The following NUDT3 variants were observed in gnomAD, a reference collection of about 807,000 sequenced individuals.
The protein encoded by NUDT3 is diphosphoinositol polyphosphate phosphohydrolase 1.
Under a neutral mutation model 23.6 loss-of-function variants are expected in NUDT3, and 9 were observed. The ratio of observed to expected loss-of-function variants is 0.38; its 90% CI spans 0.23 to 0.66. NUDT3 has a LOEUF of 0.66. Ranked by LOEUF, NUDT3 falls within the 30% of genes least tolerant of loss-of-function variation. The probability of loss-of-function intolerance (pLI) is 0.52; values close to 1 mark genes in which losing one functional copy is unlikely to be tolerated. For synonymous variants in NUDT3, 86 were observed against 82.6 expected (o/e 1.04, Z -0.22); for missense variants, 172 against 218.5 (o/e 0.79, Z 1.34).
At chr6:34,300,044 G>A (rs150190086) in intron 2 of NUDT3, among the ~76,000 whole-genome samples, 54 of 151,996 alleles carry the variant, frequency 3.6e-4, no homozygotes, top group Middle Eastern at 3.4e-3. Context: ...CCACCTGCCC[G>A]GCCCTGCTTT....
intron 1 of NUDT3, among the ~76,000 whole-genome samples, chr6:34,365,711 G>A (rs1764716844): frequency 6.6e-6 from 1 of 152,060 alleles, no homozygotes; most frequent in Non-Finnish European, 1.5e-5. Context: ...CCAGGAGTTC[G>A]AGACGAGTCT....
chr6:34,356,047 AG>A (rs2113747762), intron 1 of NUDT3, among the ~76,000 whole-genome samples: 1 of 152,304 alleles, frequency 6.6e-6, no homozygotes, highest in Admixed American at 6.5e-5. Flanking sequence ...GGAGCCACGA[AG>A]GGACTGTGTA....
intron 2 of NUDT3, among the ~76,000 whole-genome samples, chr6:34,324,714 A>G (rs771701140): frequency 7.2e-5 from 11 of 152,260 alleles, no homozygotes; most frequent in Non-Finnish European, 1.3e-4. Context: ...AATAGTATCT[A>G]CCATGAATTT....
chr6:34,359,328 G>C (rs921720846), intron 1 of NUDT3, among the ~76,000 whole-genome samples: 1 of 152,150 alleles, frequency 6.6e-6, no homozygotes, highest in East Asian at 1.9e-4. Context: ...AGCCGAGATC[G>C]TGCTACTGCA....
intron 1 of NUDT3, among the ~76,000 whole-genome samples, chr6:34,356,969 G>C (rs1176433341): frequency 2.0e-5 from 3 of 151,976 alleles, no homozygotes; most frequent in Non-Finnish European, 4.4e-5. Context: ...AGTAGAAACA[G>C]GGTTTCACCG....
intron 1 of NUDT3, among the ~76,000 whole-genome samples, chr6:34,384,467 T>C (rs1561925725): frequency 6.6e-6 from 1 of 152,144 alleles, no homozygotes; most frequent in Non-Finnish European, 1.5e-5. Context: ...TGTGATGTCA[T>C]TTGTTGTATG....
In NUDT3 at chr6:34,285,780, G is replaced by C. The variant is rs1400013384; in HGVS notation, c.*2973C>G. Reference sequence around the variant, plus strand: ...ACTGTGCCAAGGAGGGAAAATCCCAGATCATCAGAATCCCAGTGCAACAGA... The same window carrying C: ...ACTGTGCCAAGGAGGGAAAATCCCACATCATCAGAATCCCAGTGCAACAGA... On this transcript the variant is annotated 3_prime_UTR_variant, in exon 5 of 5. Coordinates refer to ENST00000607016, the MANE Select transcript of NUDT3 (RefSeq NM_006703.4). The C allele has an allele frequency of 6.6e-6, 1 of 152,222 alleles. No homozygotes were observed. The highest frequency in any genetic ancestry group is 6.5e-5 in the Admixed American group (1 of 15,282). 9.4% of individuals were successfully genotyped at this position (152,222 alleles called of 1,614,324 possible).
At chr6:34,388,446 AT>A (rs562033235) in intron 1 of NUDT3, among the ~76,000 whole-genome samples, 26 of 152,192 alleles carry the variant, frequency 1.7e-4, no homozygotes, top group African/African-American at 6.0e-4. Context: ...GCCCATTAAA[AT>A]TTTTTTTAAT....
At chr6:34,339,089 A>C (rs1764252116) in intron 2 of NUDT3, among the ~76,000 whole-genome samples, 1 of 152,184 alleles carries the variant, frequency 6.6e-6, no homozygotes, top group South Asian at 2.1e-4. Flanking sequence ...CAAATCAGGA[A>C]GTTAACACTA....
chr6:34,287,490 G>A lies in NUDT3; in HGVS notation c.*1263C>T, dbSNP rs543496586. The stretch of plus-strand genomic sequence containing the variant: ...AAGTGATTACGTGGCCTCCCATATG[G>A]ACCTTTCATATCCTGGTGGGAGATG... On this transcript the variant is annotated 3_prime_UTR_variant, in exon 5 of 5. Transcript: ENST00000607016. 7 of 152,356 alleles carry A rather than the reference G, an allele frequency of 4.6e-5. No homozygotes were observed. Among genetic ancestry groups the A allele is most frequent in the African/African-American group, 1.7e-4 (7 of 41,582 alleles). 9.4% of individuals were successfully genotyped at this position (152,356 alleles called of 1,614,324 possible).
chr6:34,303,874 A>G (rs1021657926), intron 2 of NUDT3, among the ~76,000 whole-genome samples: 2 of 152,192 alleles, frequency 1.3e-5, no homozygotes, highest in South Asian at 2.1e-4. Flanking sequence ...CTGCTTTCAC[A>G]TCACAATAGG....
chr6:34,302,381 T>C (rs1763611229), intron 2 of NUDT3, among the ~76,000 whole-genome samples: 1 of 152,232 alleles, frequency 6.6e-6, no homozygotes, highest in Admixed American at 6.5e-5. Flanking sequence ...GAGCATATTT[T>C]ATTAGACACA....
intron 2 of NUDT3, among the ~76,000 whole-genome samples, chr6:34,321,814 A>C (rs1763946586): frequency 6.6e-6 from 1 of 152,204 alleles, no homozygotes. Flanking sequence ...TCCTAAATCT[A>C]ATCAAGCCTC....
Position 34,392,284 on chromosome 6 carries a change from G to C in NUDT3, c.79C>G (p.Arg27Gly), listed in dbSNP as rs763840009. The change falls in exon 1 of 5, where the codon CGC (arginine) becomes GGC (glycine). Residue 27 changes from arginine to glycine, a missense_variant. Physicochemically the swap from Arg to Gly is moderately radical, Grantham distance 125 (BLOSUM62 -2). This residue lies in a region of NUDT3 where 50 missense variants were observed against 46.2 expected (regional missense o/e 1.08). Transcript: ENST00000607016. ...CTCACCTCCTCCTCGCTCTCGCTGC[G>C]GAAACACAGGCATGCGGCCCGCTTC... ...YKKRAACLCF[R>G]SESEEEVLLV... The C allele has an allele frequency of 6.2e-7, 1 of 1,603,364 alleles. No homozygotes were observed. The highest frequency in any genetic ancestry group is 1.4e-5 in the African/African-American group (1 of 73,754).
chr6:34,348,912 C>T lies in NUDT3; in HGVS notation c.100-6940G>A, dbSNP rs188807727. Among the ~76,000 whole-genome samples, 138 of 151,408 alleles carry T rather than the reference C, an allele frequency of 9.1e-4. 1 individual carries two copies. Among genetic ancestry groups the T allele is most frequent in the African/African-American group, 3.2e-3 (131 of 41,264 alleles). ...TCTCGCTCTTTTGCCCAGGCTAGAG[C>T]GCAGTGGTGCAATCGTGGCTTACTG... is the stretch of plus-strand genomic sequence containing the variant. On this transcript the variant is annotated intron_variant, in intron 1 of 4. Coordinates refer to ENST00000607016, the MANE Select transcript of NUDT3 (RefSeq NM_006703.4).
intron 2 of NUDT3, among the ~76,000 whole-genome samples, chr6:34,320,935 A>G (rs757587291): frequency 2.2e-4 from 33 of 152,204 alleles, no homozygotes; most frequent in Non-Finnish European, 3.7e-4. Context: ...ATCAGCATGG[A>G]AAGTCATAAA....
intron 3 of NUDT3, 55 bp downstream of exon 3, chr6:34,295,586 T>C: frequency 4.5e-6 from 7 of 1,571,216 alleles, no homozygotes; most frequent in South Asian, 1.2e-5. Context: ...CCTATGTTAA[T>C]ATCTGTGTGG....
intron 4 of NUDT3, among the ~76,000 whole-genome samples, chr6:34,291,962 T>C (rs1283121311): frequency 1.3e-5 from 2 of 152,332 alleles, no homozygotes; most frequent in East Asian, 1.9e-4. Context: ...GAAGGCTCCA[T>C]AGCTTGTCAT....
chr6:34,365,515 T>C (rs1280688155), intron 1 of NUDT3, among the ~76,000 whole-genome samples: 1 of 152,198 alleles, frequency 6.6e-6, no homozygotes, highest in Non-Finnish European at 1.5e-5. Context: ...TGTTGCAAGA[T>C]GAATAAAATT....
Sources: allele counts gnomAD v4.1 joint callset (sites outside exome capture counted in the v4.1 genomes callset), GRCh38; gene constraint gnomAD v4.1.1; regional missense constraint gnomAD v4.1.1; transcripts MANE v1.5; gene names NCBI Gene and HGNC (gene_info 2026-07-23, HGNC 2026-07-21).